PCP4: variants seen among roughly 807,000 people sequenced by gnomAD.
PCP4 encodes the protein Purkinje cell protein 4, also known as calmodulin regulator protein PCP4.
In PCP4, 8 loss-of-function variants were observed where a neutral mutation model predicts 10.0. The observed-to-expected ratio is 0.80, with a 90% CI of 0.47 to 1.45. PCP4 has a LOEUF of 1.45. PCP4 is among the 40% of genes most tolerant of loss of function. The probability of loss-of-function intolerance (pLI) is 0.00; values close to 1 mark genes in which losing one functional copy is unlikely to be tolerated. For synonymous variants in PCP4, 21 were observed against 23.0 expected (o/e 0.91, Z 0.24); for missense variants, 54 against 74.4 (o/e 0.73, Z 1.01).
At chr21:39,889,773 A>G (rs188338331) in intron 1 of PCP4, among the ~76,000 whole-genome samples, 4 of 152,200 alleles carry the variant, frequency 2.6e-5, no homozygotes, top group Non-Finnish European at 5.9e-5. Flanking sequence ...AGAGGCATAC[A>G]TTCAGAAAAA....
chr21:39,910,753 G>C (rs780497074), intron 2 of PCP4, among the ~76,000 whole-genome samples: 4 of 152,252 alleles, frequency 2.6e-5, no homozygotes, highest in Non-Finnish European at 5.9e-5. Flanking sequence ...TTTGCTGACT[G>C]TTTTTAGGGT....
chr21:39,900,954 C>T (rs76396112), intron 2 of PCP4, among the ~76,000 whole-genome samples: 21,073 of 151,994 alleles, frequency 0.14, 1,660 homozygotes, highest in Middle Eastern at 0.23. Context: ...ATAATAAACC[C>T]ACTACATGTG....
chr21:39,884,800 A>AAGAGAG (rs3988433), intron 1 of PCP4, among the ~76,000 whole-genome samples: 6,214 of 149,068 alleles, frequency 0.042, 412 homozygotes, highest in African/African-American at 0.14. Context: ...CCGTCTTAAA[A>AAGAGAG]AGAGAGAGAG....
chr21:39,910,148 T>C (rs1353684326), intron 2 of PCP4, among the ~76,000 whole-genome samples: 1 of 152,200 alleles, frequency 6.6e-6, no homozygotes, highest in Non-Finnish European at 1.5e-5. Flanking sequence ...AATCATGCTC[T>C]GGCGTTCATT....
chr21:39,907,114 C>T (rs535395363), intron 2 of PCP4, among the ~76,000 whole-genome samples: 22 of 152,196 alleles, frequency 1.4e-4, no homozygotes, highest in Admixed American at 3.3e-4. Context: ...TACAAAAGCA[C>T]GGAAAAATGC....
At chr21:39,900,391 G>T (rs904202375) in intron 2 of PCP4, among the ~76,000 whole-genome samples, 8 of 152,134 alleles carry the variant, frequency 5.3e-5, no homozygotes, top group Admixed American at 4.6e-4. Flanking sequence ...GGACCCCAAA[G>T]AACTTTTGTT....
At chr21:39,903,436 CGTT>C (rs1158120471) in intron 2 of PCP4, among the ~76,000 whole-genome samples, 5 of 152,174 alleles carry the variant, frequency 3.3e-5, no homozygotes, top group Non-Finnish European at 5.9e-5. Flanking sequence ...GACTCACTGT[CGTT>C]GTGTTTCTTT....
At chr21:39,889,851 T>A (rs1477718589) in intron 1 of PCP4, among the ~76,000 whole-genome samples, 1 of 152,230 alleles carries the variant, frequency 6.6e-6, no homozygotes, top group Non-Finnish European at 1.5e-5. Context: ...TTTCATACTC[T>A]TCAATCTCTG....
At chr21:39,914,356 C>T (rs1331276134) in intron 2 of PCP4, among the ~76,000 whole-genome samples, 3 of 152,166 alleles carry the variant, frequency 2.0e-5, no homozygotes, top group East Asian at 3.9e-4. Flanking sequence ...AGTGGATCAC[C>T]TGAGGTCAGG....
intron 1 of PCP4, among the ~76,000 whole-genome samples, chr21:39,887,716 T>C (rs1418411545): frequency 2.0e-5 from 3 of 152,238 alleles, no homozygotes; most frequent in African/African-American, 7.2e-5. Flanking sequence ...CCCTGTGCTT[T>C]GCTTCTCTGT....
intron 1 of PCP4, among the ~76,000 whole-genome samples, chr21:39,895,135 C>G (rs2146335767): frequency 6.6e-6 from 1 of 151,870 alleles, no homozygotes; most frequent in South Asian, 2.1e-4. Context: ...GTCCACCCAT[C>G]CATTCTTCCA....
intron 2 of PCP4, among the ~76,000 whole-genome samples, chr21:39,913,641 A>G (rs745997484): frequency 6.6e-6 from 1 of 152,202 alleles, no homozygotes; most frequent in Non-Finnish European, 1.5e-5. Context: ...CTGAATGGAG[A>G]TTCCAGGTTG....
intron 1 of PCP4, among the ~76,000 whole-genome samples, chr21:39,895,141 TTCCATCCATCCA>T (rs559466500): frequency 4.6e-5 from 7 of 150,962 alleles, no homozygotes; most frequent in Admixed American, 1.3e-4. Flanking sequence ...CCATCCATTC[TTCCATCCATCCA>T]TCCATCCATC....
intron 2 of PCP4, among the ~76,000 whole-genome samples, chr21:39,922,034 T>G (rs769778848): frequency 1.2e-4 from 19 of 152,156 alleles, no homozygotes; most frequent in Non-Finnish European, 2.4e-4. Context: ...TTAAAAAAAA[T>G]AGAGACAGGA....
Position 39,878,721 on chromosome 21 carries a change from C to T in PCP4, c.9+11211C>T, listed in dbSNP as rs1244759170. On this transcript the variant is annotated intron_variant, in intron 1 of 2. Coordinates refer to ENST00000328619, the MANE Select transcript of PCP4 (RefSeq NM_006198.3). ...ATTTCCCTTTGTGAGAGTATCTATC[C>T]GTGCTTGCTCATGGTAGAGTATCAT... 2.0e-5 allele frequency among the ~76,000 whole-genome samples: 3 copies of T among 152,158 alleles called. No individual in the cohort carries two copies. In the East Asian group the frequency reaches 5.8e-4, roughly 29 times the overall value.
At position 39,929,240 on chromosome 21, in the gene PCP4, T is replaced by C. The variant is rs1376454744; in HGVS notation, c.*129T>C. 10 of 792,700 alleles carry C rather than the reference T, an allele frequency of 1.3e-5. No homozygotes were observed. Among genetic ancestry groups the C allele is most frequent in the Non-Finnish European group, 1.8e-5 (9 of 507,270 alleles). The allele number at this position is 792,700 out of a possible 1,614,324, so 49.1% of individuals were successfully genotyped here. A position where few individuals can be genotyped will look rare whatever the true frequency, so the allele number is the denominator to read the frequency against. The stretch of plus-strand genomic sequence containing the variant: ...CCACACACGCATAGCAAACCTCCAA[T>C]GCATGTACAGAAACCTGTGATATTT... On this transcript the variant is annotated 3_prime_UTR_variant, in exon 3 of 3. Coordinates refer to ENST00000328619, the MANE Select transcript of PCP4 (RefSeq NM_006198.3).
At position 39,892,378 on chromosome 21, in the gene PCP4, T is replaced by C. The variant is rs747525243; in HGVS notation, c.10-6098T>C. ...ATGACTATCCTTATTCTAACTATTTTCTTTATTATACTGAAACAGTTTGTG... is the reference window on the plus strand; with the variant it reads ...ATGACTATCCTTATTCTAACTATTTCCTTTATTATACTGAAACAGTTTGTG... On this transcript the variant is annotated intron_variant, in intron 1 of 2. Transcript: ENST00000328619. 7.9e-5 allele frequency among the ~76,000 whole-genome samples: 12 copies of C among 152,224 alleles called. 1 individual carries two copies. Among genetic ancestry groups the C allele is most frequent in the Non-Finnish European group, 7.3e-5 (5 of 68,032 alleles).
intron 2 of PCP4, among the ~76,000 whole-genome samples, chr21:39,912,678 G>C (rs2087546154): frequency 6.6e-6 from 1 of 152,060 alleles, no homozygotes; most frequent in Non-Finnish European, 1.5e-5. Flanking sequence ...GGGTGATTCG[G>C]TGTCAGAACG....
chr21:39,929,126 C>T lies in PCP4; in HGVS notation c.*15C>T, dbSNP rs537127927. ...CTCAGTCCTAGTGGGAGAACCCCCT[C>T]CTAGTCCACCTGAAAACACCAAATT... On this transcript the variant is annotated 3_prime_UTR_variant, in exon 3 of 3. Coordinates refer to ENST00000328619, the MANE Select transcript of PCP4 (RefSeq NM_006198.3). 29 of 1,602,878 alleles carry T rather than the reference C, an allele frequency of 1.8e-5. No homozygotes were observed. In the Admixed American group the frequency reaches 5.0e-4, roughly 28 times the overall value.
Sources: allele counts gnomAD v4.1 joint callset (sites outside exome capture counted in the v4.1 genomes callset), GRCh38; gene constraint gnomAD v4.1.1; transcripts MANE v1.5; gene names NCBI Gene and HGNC (gene_info 2026-07-23, HGNC 2026-07-21).